Variants in SGMS1 observed in about 807,000 individuals in gnomAD.
The protein encoded by SGMS1 is phosphatidylcholine:ceramide cholinephosphotransferase 1.
In SGMS1, 13 loss-of-function variants were observed where a neutral mutation model predicts 46.2. The observed-to-expected ratio is 0.28, with a 90% CI of 0.18 to 0.45. The LOEUF is 0.45. Ranked by LOEUF, SGMS1 falls within the 20% of genes least tolerant of loss-of-function variation. The pLI, the probability that SGMS1 is intolerant of heterozygous loss-of-function variation, is 1.00. For missense variants in SGMS1, 324 were observed against 519.9 expected, an observed-to-expected ratio of 0.62 and a Z score of 3.66; for synonymous variants, 203 against 187.8, an observed-to-expected ratio of 1.08 and a Z score of -0.66.
rs567420914 is a variant in SGMS1 at position 50,443,673 on chromosome 10, A to G, written c.-312-10117T>C. On this transcript the variant is annotated intron_variant, in intron 5 of 10. Transcript: ENST00000361781. ...TCAAGCTAAAGCAAAATGATACCAG[A>G]TATAGATGTAAACCCATAGAAAGGA... is the stretch of plus-strand genomic sequence containing the variant. 2.6e-5 allele frequency among the ~76,000 whole-genome samples: 4 copies of G among 152,250 alleles called. No individual in the cohort carries two copies. The South Asian group carries it at 8.3e-4, about 32-fold the overall frequency.
chr10:50,405,912 G>A (rs56171162), intron 6 of SGMS1, among the ~76,000 whole-genome samples: 3,917 of 152,140 alleles, frequency 0.026, 89 homozygotes, highest in Non-Finnish European at 0.037. Context: ...ATCCTCAAAA[G>A]TCCCCTAGTG....
At chr10:50,580,440 C>A (rs1186565050) in intron 2 of SGMS1, among the ~76,000 whole-genome samples, 6 of 151,702 alleles carry the variant, frequency 4.0e-5, no homozygotes, top group African/African-American at 1.2e-4. Flanking sequence ...CCCCAAACCC[C>A]TCAACCCTCA....
chr10:50,419,988 T>C (rs1372016799), intron 6 of SGMS1, among the ~76,000 whole-genome samples: 1 of 152,196 alleles, frequency 6.6e-6, no homozygotes, highest in African/African-American at 2.4e-5. Flanking sequence ...CTTCCTAGTC[T>C]CAGCTCTGCC....
At chr10:50,620,715 G>C (rs747562607) in intron 1 of SGMS1, among the ~76,000 whole-genome samples, 7 of 152,194 alleles carry the variant, frequency 4.6e-5, no homozygotes, top group Non-Finnish European at 8.8e-5. Flanking sequence ...CCCTCCTAAA[G>C]ACCAGGGCAT....
intron 6 of SGMS1, among the ~76,000 whole-genome samples, chr10:50,366,458 C>T (rs1035460159): frequency 6.6e-6 from 1 of 152,166 alleles, no homozygotes; most frequent in Non-Finnish European, 1.5e-5. Context: ...TGGGCATATA[C>T]CCAAAGGATT....
At chr10:50,570,138 C>A (rs1052414272) in intron 2 of SGMS1, among the ~76,000 whole-genome samples, 2 of 152,160 alleles carry the variant, frequency 1.3e-5, no homozygotes, top group African/African-American at 4.8e-5. Context: ...ATTCCCCGAG[C>A]AAAATGCTGG....
chr10:50,444,881 T>A (rs1306089582), intron 5 of SGMS1, among the ~76,000 whole-genome samples: 1 of 152,154 alleles, frequency 6.6e-6, no homozygotes. Context: ...TTCATCAATA[T>A]CAAAACTGCT....
chr10:50,446,322 C>A (rs1394743943), intron 5 of SGMS1, among the ~76,000 whole-genome samples: 1 of 152,080 alleles, frequency 6.6e-6, no homozygotes, highest in Non-Finnish European at 1.5e-5. Flanking sequence ...ACAGAACCTG[C>A]CAACATGTGA....
rs114829015 is a variant in SGMS1, at chr10:50,594,159, C to G, written c.-683-3912G>C. On this transcript the variant is annotated intron_variant, in intron 1 of 10. Transcript: ENST00000361781. The stretch of plus-strand genomic sequence containing the variant: ...CAAAAGGGAAAGCTTTTCCTATTTG[C>G]AGCATCACTACTACAAATAAATAGT... Among the ~76,000 whole-genome samples the G allele has an allele frequency of 3.5e-3, 533 of 152,292 alleles. 3 individuals carry two copies. Among genetic ancestry groups the G allele is most frequent in the African/African-American group, 0.012 (514 of 41,558 alleles).
chr10:50,599,520 T>C (rs1052790241), intron 1 of SGMS1, among the ~76,000 whole-genome samples: 1 of 152,108 alleles, frequency 6.6e-6, no homozygotes, highest in Non-Finnish European at 1.5e-5. Flanking sequence ...TCCAGAATTC[T>C]AGGAGAGAAG....
At chr10:50,425,942 A>G (rs145400222) in intron 6 of SGMS1, among the ~76,000 whole-genome samples, 61 of 152,348 alleles carry the variant, frequency 4.0e-4, no homozygotes, top group African/African-American at 1.2e-3. Flanking sequence ...AATATATCCA[A>G]AAATATATGT....
chr10:50,321,519 C>T (rs940659778), intron 8 of SGMS1, among the ~76,000 whole-genome samples: 1 of 151,936 alleles, frequency 6.6e-6, no homozygotes, highest in Non-Finnish European at 1.5e-5. Flanking sequence ...GGATGGGAAA[C>T]GTTACTGGAA....
Position 50,319,309 on chromosome 10 carries a change from T to G in SGMS1, c.742-7894A>C, listed in dbSNP as rs569336710. Among the ~76,000 whole-genome samples the G allele has an allele frequency of 2.6e-5, 4 of 152,270 alleles. No homozygotes were observed. The South Asian group carries it at 8.3e-4, about 32-fold the overall frequency. Reference sequence around the variant, plus strand: ...ACATTTTCTTCTCCTTTCTCTCACTTTTTTTCCTGGGTCCCTTGGGAAGAA... The same window carrying G: ...ACATTTTCTTCTCCTTTCTCTCACTGTTTTTCCTGGGTCCCTTGGGAAGAA... On this transcript the variant is annotated intron_variant, in intron 8 of 10. Coordinates refer to ENST00000361781, the MANE Select transcript of SGMS1 (RefSeq NM_147156.4).
At chr10:50,622,088 CTGCTTGCT>C (rs917679252) in intron 1 of SGMS1, among the ~76,000 whole-genome samples, 1 of 152,200 alleles carries the variant, frequency 6.6e-6, no homozygotes, top group African/African-American at 2.4e-5. Flanking sequence ...GCACAGGCTG[CTGCTTGCT>C]TGCTTGCTTG....
At chr10:50,449,281 A>G (rs1359748445) in intron 5 of SGMS1, among the ~76,000 whole-genome samples, 2 of 152,186 alleles carry the variant, frequency 1.3e-5, no homozygotes, top group Non-Finnish European at 2.9e-5. Context: ...TTAAATCCTC[A>G]GTGTTCACAA....
intron 2 of SGMS1, among the ~76,000 whole-genome samples, chr10:50,575,649 G>A (rs1838377777): frequency 6.6e-6 from 1 of 151,924 alleles, no homozygotes; most frequent in Non-Finnish European, 1.5e-5. Flanking sequence ...TTTTGGAGGT[G>A]ATAGATATGT....
At chr10:50,614,719 G>A (rs1219057415) in intron 1 of SGMS1, among the ~76,000 whole-genome samples, 1 of 152,242 alleles carries the variant, frequency 6.6e-6, no homozygotes, top group Non-Finnish European at 1.5e-5. Context: ...GGAATGCCCT[G>A]CTGGGCTAAC....
At chr10:50,578,864 T>C (rs11006194) in intron 2 of SGMS1, among the ~76,000 whole-genome samples, 19,619 of 152,248 alleles carry the variant, frequency 0.13, 1,658 homozygotes, top group Non-Finnish European at 0.19. Context: ...ATGTTAAGCT[T>C]TTTAAAGCTG....
chr10:50,451,571 A>G (rs1394155079), intron 5 of SGMS1, among the ~76,000 whole-genome samples: 1 of 152,214 alleles, frequency 6.6e-6, no homozygotes, highest in East Asian at 1.9e-4. Flanking sequence ...GGCAATGCAG[A>G]CTGAGGGCTT....
Sources: allele counts gnomAD v4.1 joint callset (sites outside exome capture counted in the v4.1 genomes callset), GRCh38; gene constraint gnomAD v4.1.1; transcripts MANE v1.5; gene names NCBI Gene and HGNC (gene_info 2026-07-23, HGNC 2026-07-21).